Variants in FOXP2 observed in about 807,000 individuals in gnomAD.
The protein encoded by FOXP2 is forkhead box protein P2.
Under a neutral mutation model 115.8 loss-of-function variants are expected in FOXP2, and 12 were observed. That is an observed-to-expected ratio of 0.10 (90% CI 0.07 to 0.17). The LOEUF (loss-of-function observed/expected upper bound fraction) is 0.17. Ranked by LOEUF, FOXP2 falls within the 10% of genes least tolerant of loss-of-function variation. The pLI is 1.00. For synonymous variants in FOXP2, 328 were observed against 297.7 expected (o/e 1.10, Z -1.05); for missense variants, 629 against 843.5 (o/e 0.75, Z 3.15).
At chr7:114,140,434 A>C (rs1792174910) in intron 1 of FOXP2, among the ~76,000 whole-genome samples, 1 of 152,092 alleles carries the variant, frequency 6.6e-6, no homozygotes, top group Non-Finnish European at 1.5e-5. Context: ...ACGGTTTCTT[A>C]ATTTCCACAT....
chr7:114,499,492 A>G (rs1013313353), intron 2 of FOXP2: 1 of 152,252 alleles, frequency 6.6e-6, no homozygotes, highest in Non-Finnish European at 1.5e-5. Flanking sequence ...GGGTAAAAAT[A>G]TAACTCAGAT....
intron 16 of FOXP2, among the ~76,000 whole-genome samples, chr7:114,685,747 T>C (rs1433958950): frequency 2.6e-5 from 4 of 152,222 alleles, no homozygotes; most frequent in African/African-American, 9.6e-5. Context: ...AATTGGCTTT[T>C]CTGATGGGCT....
chr7:114,619,281 A>G (rs1804110031), intron 3 of FOXP2, among the ~76,000 whole-genome samples: 1 of 152,134 alleles, frequency 6.6e-6, no homozygotes, highest in African/African-American at 2.4e-5. Flanking sequence ...ATCTTCACTA[A>G]TCACAAAATA....
chr7:114,299,244 G>C (rs1160946965), intron 2 of FOXP2, among the ~76,000 whole-genome samples: 1 of 151,992 alleles, frequency 6.6e-6, no homozygotes, highest in East Asian at 1.9e-4. Context: ...GTATATATTG[G>C]GACTATCTTG....
At chr7:114,644,641 A>G in intron 7 of FOXP2, 44 bp from the exon 8 acceptor site, 2 of 1,539,000 alleles carry the variant, frequency 1.3e-6, no homozygotes, top group Non-Finnish European at 1.8e-6. Context: ...TGCAACGATT[A>G]TAGCTTTTTG....
At chr7:114,563,007 A>T (rs1051653894) in intron 3 of FOXP2, among the ~76,000 whole-genome samples, 3 of 152,160 alleles carry the variant, frequency 2.0e-5, no homozygotes, top group African/African-American at 7.2e-5. Context: ...AAGGAAGAGG[A>T]GGAGTAAAGG....
rs564276634 is a variant in FOXP2 at position 114,134,496 on chromosome 7, G to T, written c.-246-28448G>T. ...TGGGAGGCCGAGGCGGGCGGATCAC[G>T]AGGTCAGGAGATCAAGACCATCCCG... On this transcript the variant is annotated intron_variant, in intron 1 of 19. Coordinates refer to the FOXP2 transcript ENST00000635638. Among the ~76,000 whole-genome samples the T allele has an allele frequency of 1.3e-3, 197 of 152,036 alleles. 2 individuals are homozygous for T. Among genetic ancestry groups the T allele is most frequent in the African/African-American group, 4.5e-3 (185 of 41,468 alleles).
At chr7:114,614,199 T>A (rs1427106628) in intron 3 of FOXP2, among the ~76,000 whole-genome samples, 3 of 152,240 alleles carry the variant, frequency 2.0e-5, no homozygotes, top group African/African-American at 7.2e-5. Flanking sequence ...AGCTAGCATC[T>A]ACTTTCTACA....
chr7:114,294,921 T>C (rs1485217645), intron 2 of FOXP2, among the ~76,000 whole-genome samples: 2 of 152,058 alleles, frequency 1.3e-5, no homozygotes, highest in Non-Finnish European at 2.9e-5. Context: ...TATACATACA[T>C]ACATACATAC....
intron 3 of FOXP2, among the ~76,000 whole-genome samples, chr7:114,627,999 C>T (rs192442974): frequency 3.8e-4 from 58 of 151,850 alleles, no homozygotes; most frequent in African/African-American, 1.3e-3. Flanking sequence ...AATTTTATTA[C>T]TATATTTATT....
intron 3 of FOXP2, among the ~76,000 whole-genome samples, chr7:114,599,080 A>G (rs937274150): frequency 1.3e-5 from 2 of 152,036 alleles, no homozygotes; most frequent in Non-Finnish European, 2.9e-5. Context: ...CCTCGACTTT[A>G]TTGTACTGCC....
intron 6 of FOXP2, among the ~76,000 whole-genome samples, chr7:114,634,056 GCTAA>G (rs1805076659): frequency 6.6e-6 from 1 of 151,532 alleles, no homozygotes; most frequent in Non-Finnish European, 1.5e-5. Context: ...GTGCAGTGAC[GCTAA>G]CTTAGTTCAC....
chr7:114,648,954 A>G (rs1257609207), intron 8 of FOXP2, among the ~76,000 whole-genome samples: 3 of 152,084 alleles, frequency 2.0e-5, no homozygotes, highest in Non-Finnish European at 2.9e-5. Context: ...GACTGGAGCT[A>G]ACCAGAATTC....
chr7:114,271,755 A>G (rs1283481615), intron 1 of FOXP2, among the ~76,000 whole-genome samples: 2 of 118,374 alleles, frequency 1.7e-5, no homozygotes, highest in Admixed American at 2.1e-4. Flanking sequence ...TGCATTAAAT[A>G]TATATTATTT....
intron 3 of FOXP2, among the ~76,000 whole-genome samples, chr7:114,617,648 C>T (rs1804021233): frequency 6.6e-6 from 1 of 152,122 alleles, no homozygotes; most frequent in African/African-American, 2.4e-5. Flanking sequence ...CAAAAATTAG[C>T]CAGGCATGAT....
chr7:114,321,444 T>C (rs1393519708), intron 2 of FOXP2, among the ~76,000 whole-genome samples: 2 of 152,056 alleles, frequency 1.3e-5, no homozygotes, highest in Non-Finnish European at 2.9e-5. Context: ...GTGGTCTGCC[T>C]GCCTCAGCCT....
intron 1 of FOXP2, among the ~76,000 whole-genome samples, chr7:114,187,721 G>A (rs1793649419): frequency 6.6e-6 from 1 of 152,214 alleles, no homozygotes. Context: ...CGTGATACCA[G>A]TTTTTGTCTT....
chr7:114,412,421 GAA>G (rs1793186020), upstream of FOXP2, among the ~76,000 whole-genome samples: 1 of 152,130 alleles, frequency 6.6e-6, no homozygotes. Flanking sequence ...TGATAGTAAA[GAA>G]TGTGGGACTC....
chr7:114,586,918 A>G (rs1159819696), intron 3 of FOXP2, among the ~76,000 whole-genome samples: 1 of 152,184 alleles, frequency 6.6e-6, no homozygotes, highest in Non-Finnish European at 1.5e-5. Context: ...ACTTATAAAA[A>G]TGTACTTTGT....
Sources: gnomAD v4.1 joint callset for allele counts (sites outside exome capture counted in the v4.1 genomes callset) on GRCh38, gnomAD v4.1.1 for gene constraint, MANE v1.5 for transcripts, NCBI Gene and HGNC (gene_info 2026-07-23, HGNC 2026-07-21) for gene names.